PITRM1: variants seen among roughly 807,000 people sequenced by gnomAD.
PITRM1 encodes presequence protease, mitochondrial.
In PITRM1, 100 loss-of-function variants were observed where a neutral mutation model predicts 129.9. That is an observed-to-expected ratio of 0.77 (90% CI 0.65 to 0.91). The LOEUF is 0.91. Ranked by LOEUF, PITRM1 falls within the 40% of genes least tolerant of loss-of-function variation. The pLI, the probability that PITRM1 is intolerant of heterozygous loss-of-function variation, is 0.00. For synonymous variants in PITRM1, 591 were observed against 508.8 expected (o/e 1.16, Z -2.17); for missense variants, 1,471 against 1,318.3 (o/e 1.12, Z -1.79).
chr10:3,151,172 C>G, intron 15 of PITRM1, 75 bp downstream of exon 15: 1 of 811,256 alleles, frequency 1.2e-6, no homozygotes, highest in East Asian at 2.7e-5. Flanking sequence ...CATGACTCTA[C>G]TGCTTCTGTG....
chr10:3,144,134 C>G, intron 22 of PITRM1, 158 bp downstream of exon 22: 1 of 609,772 alleles, frequency 1.6e-6, no homozygotes, highest in Middle Eastern at 4.2e-4. Flanking sequence ...AGAAAAGGCT[C>G]AGGGTGGCAG....
chr10:3,138,616 G>A, intron 25 of PITRM1: 1 of 605,302 alleles, frequency 1.7e-6, no homozygotes, highest in Non-Finnish European at 2.9e-6. Flanking sequence ...AGAGTAACGT[G>A]GCCATGCCCG....
At chr10:3,152,464 A>G (rs1365763983) in intron 14 of PITRM1, among the ~76,000 whole-genome samples, 1 of 152,018 alleles carries the variant, frequency 6.6e-6, no homozygotes, top group African/African-American at 2.4e-5. Context: ...CGTGCCACGC[A>G]CTTAGACACG....
chr10:3,152,687 T>C (rs1286585006), intron 14 of PITRM1, among the ~76,000 whole-genome samples: 2 of 152,172 alleles, frequency 1.3e-5, no homozygotes, highest in African/African-American at 4.8e-5. Context: ...CTACCTAACA[T>C]CCTGACTTTC....
At position 3,148,247 on chromosome 10, in the gene PITRM1, A is replaced by G. The variant is rs1359437982; in HGVS notation, c.1916T>C (p.Ile639Thr). ...ACTCATCCCTCCGGTCTTCAATTCT[A>G]TCTGCTGAGCCTGCTCCCGGTAGTC... ...LLDYREQAQQIELKTGGMSAS... is the reference protein window; with the variant it reads ...LLDYREQAQQTELKTGGMSAS... The change falls in exon 17 of 27, where the codon ATA becomes ACA. Residue 639 changes from isoleucine to threonine, a missense_variant. Physicochemically the swap from Ile to Thr is moderately conservative, Grantham distance 89. Coordinates refer to ENST00000224949, the MANE Select transcript of PITRM1 (RefSeq NM_014889.4). The G allele has an allele frequency of 6.2e-7, 1 of 1,613,854 alleles. No individual in the cohort carries two copies. The highest frequency in any genetic ancestry group is 1.3e-5 in the African/African-American group (1 of 74,938).
chr10:3,144,213 C>A (rs1840595204), intron 22 of PITRM1, 79 bp downstream of exon 22: 2 of 791,474 alleles, frequency 2.5e-6, no homozygotes, highest in South Asian at 1.6e-5. Flanking sequence ...GACGGAGGAA[C>A]ATTCGAACAT....
intron 23 of PITRM1, among the ~76,000 whole-genome samples, chr10:3,142,552 G>A (rs927362674): frequency 6.6e-5 from 10 of 152,272 alleles, no homozygotes; most frequent in African/African-American, 2.4e-4. Context: ...ACGTCTGTGA[G>A]TCTGTCCTGG....
In PITRM1 at chr10:3,166,262, G is replaced by A. The variant is rs756935545; in HGVS notation, c.385C>T (p.Arg129Trp). ...GCGTTCATGAACGTGGAGAGGGACC[G>A]GTTCAACATTTTGAAGAAAGGGTCT... ...CRDPFFKMLN[R>W]SLSTFMNAFT... Residue 129 changes from arginine to tryptophan, a missense_variant, in exon 4 of 27, where the codon CGG becomes TGG. Physicochemically the swap from Arg to Trp is moderately radical, Grantham distance 101. Coordinates refer to ENST00000224949, the MANE Select transcript of PITRM1 (RefSeq NM_014889.4). The A allele has an allele frequency of 1.4e-5, 23 of 1,607,836 alleles. No individual in the cohort carries two copies. The highest frequency in any genetic ancestry group is 6.7e-5 in the Admixed American group (4 of 59,416).
intron 22 of PITRM1, 100 bp from the exon 23 acceptor site, chr10:3,143,601 C>A: frequency 1.2e-6 from 1 of 800,284 alleles, no homozygotes; most frequent in Non-Finnish European, 2.2e-6. Flanking sequence ...TGTGCTCCCA[C>A]GCACTGCCCA....
chr10:3,148,220 G>A lies in PITRM1; in HGVS notation c.1943C>T (p.Ala648Val), dbSNP rs1483700653. ...GTCGTCGGGGAGCACGTGGGGAGAA[G>A]CACTCATCCCTCCGGTCTTCAATTC... ...QIELKTGGMS[A>V]SPHVLPDDSH... Residue 648 changes from alanine (A) to valine (V), a missense_variant, in exon 17 of 27, where the codon GCT becomes GTT. Transcript: ENST00000224949. The A allele has an allele frequency of 1.2e-6, 2 of 1,614,006 alleles. No homozygotes were observed. Among genetic ancestry groups the A allele is most frequent in the South Asian group, 2.2e-5 (2 of 91,086 alleles).
chr10:3,138,278 G>A lies in PITRM1; in HGVS notation c.2977C>T (p.Leu993Phe). The A allele has an allele frequency of 1.2e-6, 2 of 1,613,880 alleles. No homozygotes were observed. The highest frequency in any genetic ancestry group is 1.7e-6 in the Non-Finnish European group (2 of 1,179,786). Residue 993 changes from leucine to phenylalanine, a missense_variant, in exon 26 of 27, where the codon CTC (leucine) becomes TTC (phenylalanine). Physicochemically the swap from Leu to Phe is conservative, Grantham distance 22 (BLOSUM62 0). Coordinates refer to ENST00000224949, the MANE Select transcript of PITRM1 (RefSeq NM_014889.4). ...AGCTTGTCGTGGCTGACAGCAAAGA[G>A]CTGCTCTCTGTGGGCCTGCTTCATC... is the stretch of plus-strand genomic sequence containing the variant. The part of the protein sequence containing the change: ...DEMKQAHREQ[L>F]FAVSHDKLLA...
At chr10:3,172,813 A>T, upstream of PITRM1, 1 of 1,529,696 alleles carries the variant, frequency 6.5e-7, no homozygotes, top group Non-Finnish European at 8.8e-7. Flanking sequence ...ACCCCCTCTT[A>T]ACCCGACGCA....
rs552028764 is a variant in PITRM1 at position 3,152,279 on chromosome 10, C to T, written c.1622-916G>A. 3.9e-5 allele frequency among the ~76,000 whole-genome samples: 6 copies of T among 152,262 alleles called. No individual in the cohort carries two copies. In the South Asian group the frequency reaches 8.3e-4, roughly 21 times the overall value. ...CCCGCCCTGATGGCCATCAGTGAAGCGGCTTCACAGTGCTACACCGAGCCA... is the reference window on the plus strand; with the variant it reads ...CCCGCCCTGATGGCCATCAGTGAAGTGGCTTCACAGTGCTACACCGAGCCA... On this transcript the variant is annotated intron_variant, in intron 14 of 26. Coordinates refer to ENST00000224949, the MANE Select transcript of PITRM1 (RefSeq NM_014889.4).
intron 15 of PITRM1, among the ~76,000 whole-genome samples, chr10:3,150,356 T>A (rs142181103): frequency 2.1e-3 from 319 of 152,176 alleles, no homozygotes; most frequent in Non-Finnish European, 2.4e-3. Flanking sequence ...ACTGCCAGGG[T>A]TAACAGATCA....
chr10:3,171,182 A>AAAAAAAAAAAAT (rs1843322967), intron 1 of PITRM1, among the ~76,000 whole-genome samples: 1 of 147,238 alleles, frequency 6.8e-6, no homozygotes, highest in East Asian at 2.0e-4. Flanking sequence ...AAAAAAAAAA[A>AAAAAAAAAAAAT]AACCTTACCA....
intron 2 of PITRM1, among the ~76,000 whole-genome samples, chr10:3,168,697 G>A (rs1475670613): frequency 6.6e-6 from 1 of 152,168 alleles, no homozygotes; most frequent in Non-Finnish European, 1.5e-5. Flanking sequence ...CTGCCGCCCT[G>A]TGAAGAGATG....
At position 3,145,648 on chromosome 10, in the gene PITRM1, C is replaced by T; in HGVS notation, c.2405G>A (p.Ser802Asn). The T allele has an allele frequency of 6.4e-7, 1 of 1,550,444 alleles. No individual in the cohort carries two copies. Among genetic ancestry groups the T allele is most frequent in the Non-Finnish European group, 8.7e-7 (1 of 1,147,026 alleles). ...CCGTTCCTTTTTACTCCGACCGATGCTTCTAAGGAAGTCTTCGACCGCTTT... is the reference window on the plus strand; with the variant it reads ...CCGTTCCTTTTTACTCCGACCGATGTTTCTAAGGAAGTCTTCGACCGCTTT... The part of the protein sequence containing the change: ...TEKAVEDFLR[S>N]IGRSKKERRP... Residue 802 changes from serine (S) to asparagine (N), a missense_variant, in exon 21 of 27, where the codon AGC (serine) becomes AAC (asparagine). By Grantham distance (46) the Ser-to-Asn change is conservative (BLOSUM62 1). Coordinates refer to ENST00000224949, the MANE Select transcript of PITRM1 (RefSeq NM_014889.4).
chr10:3,158,839 C>T, intron 10 of PITRM1, 75 bp downstream of exon 10: 1 of 1,353,126 alleles, frequency 7.4e-7, no homozygotes, highest in Non-Finnish European at 1.0e-6. Context: ...GGGGCCGGGA[C>T]AGGGTGCGGA....
intron 16 of PITRM1, chr10:3,148,674 T>A (rs1841180991): frequency 5.9e-6 from 1 of 169,500 alleles, no homozygotes; most frequent in Admixed American, 5.9e-5. Context: ...TTCCTTTGTT[T>A]TGCTCGAATG....
Sources: gnomAD v4.1 joint callset for allele counts (sites outside exome capture counted in the v4.1 genomes callset) on GRCh38, gnomAD v4.1.1 for gene constraint, MANE v1.5 for transcripts, NCBI Gene and HGNC (gene_info 2026-07-23, HGNC 2026-07-21) for gene names.